The following TCF12 variants were observed in gnomAD, a reference collection of about 807,000 sequenced individuals.
TCF12 encodes transcription factor 12, also known as DNA-binding protein HTF4.
Under a neutral mutation model 86.0 loss-of-function variants are expected in TCF12, and 45 were observed. The observed-to-expected ratio is 0.52, with a 90% CI of 0.41 to 0.67. TCF12 has a LOEUF of 0.67. Ranked by LOEUF, TCF12 falls within the 30% of genes least tolerant of loss-of-function variation. The pLI is 0.00. For synonymous variants in TCF12, 330 were observed against 299.6 expected, an observed-to-expected ratio of 1.10 and a Z score of -1.05; for missense variants, 881 against 859.9, an observed-to-expected ratio of 1.02 and a Z score of -0.31.
chr15:56,931,573 G>A (rs559226644), intron 3 of TCF12, among the ~76,000 whole-genome samples: 2 of 152,238 alleles, frequency 1.3e-5, no homozygotes, highest in South Asian at 4.1e-4. Context: ...TTTGCTGTAG[G>A]GAACAGACAA....
At chr15:56,921,936 A>T (rs1462073255) in intron 3 of TCF12, among the ~76,000 whole-genome samples, 2 of 152,066 alleles carry the variant, frequency 1.3e-5, no homozygotes, top group Non-Finnish European at 2.9e-5. Context: ...TTATGAAATT[A>T]GAGCTTATGG....
chr15:57,148,775 G>C (rs995775364), intron 5 of TCF12, among the ~76,000 whole-genome samples: 5 of 151,920 alleles, frequency 3.3e-5, no homozygotes, highest in African/African-American at 1.2e-4. Flanking sequence ...TACTCAGGAG[G>C]TTGAGGTGAG....
At chr15:57,283,364 A>G (rs1190790558) in intron 20 of TCF12, among the ~76,000 whole-genome samples, 1 of 151,956 alleles carries the variant, frequency 6.6e-6, no homozygotes, top group Non-Finnish European at 1.5e-5. Context: ...GGTTCCAGCA[A>G]TTCTCCTGCC....
At chr15:57,266,086 ATTATTTATTTATTTAT>A (rs60211131) in intron 18 of TCF12, among the ~76,000 whole-genome samples, 185 of 110,268 alleles carry the variant, frequency 1.7e-3, no homozygotes, top group East Asian at 6.6e-3. Context: ...TTTTGTTTTT[ATTATTTATTTATTTAT>A]TTATTTATTT....
intron 5 of TCF12, chr15:57,130,087 C>A (rs1321549160): frequency 2.0e-5 from 3 of 152,272 alleles, no homozygotes; most frequent in African/African-American, 7.2e-5. Flanking sequence ...AATAGACTGT[C>A]TCTTTAGATT....
At chr15:57,221,546 G>A (rs1362838717) in intron 8 of TCF12, among the ~76,000 whole-genome samples, 1 of 151,480 alleles carries the variant, frequency 6.6e-6, no homozygotes, top group East Asian at 1.9e-4. Flanking sequence ...TGGGAGGGGG[G>A]TAGGGGGAGC....
intron 8 of TCF12, among the ~76,000 whole-genome samples, chr15:57,217,669 AAAGT>A (rs1369823275): frequency 8.5e-5 from 13 of 152,290 alleles, no homozygotes; most frequent in Non-Finnish European, 1.6e-4. Flanking sequence ...TTTCTATTGA[AAAGT>A]AAGTGTTATT....
intron 6 of TCF12, among the ~76,000 whole-genome samples, chr15:57,189,453 G>C (rs2056864691): frequency 6.6e-6 from 1 of 152,146 alleles, no homozygotes; most frequent in African/African-American, 2.4e-5. Flanking sequence ...TTCCCAAGGA[G>C]ATATTCTAGT....
chr15:57,006,305 C>T (rs1277854238), intron 3 of TCF12, among the ~76,000 whole-genome samples: 1 of 151,666 alleles, frequency 6.6e-6, no homozygotes, highest in Non-Finnish European at 1.5e-5. Context: ...TTTAAGATTG[C>T]TATTAATTTT....
intron 3 of TCF12, among the ~76,000 whole-genome samples, chr15:56,974,041 GCGTTCAGTGTT>G (rs1373224410): frequency 3.3e-5 from 5 of 152,094 alleles, no homozygotes; most frequent in African/African-American, 1.2e-4. Flanking sequence ...ACAAATAAGT[GCGTTCAGTGTT>G]CGTGGCTTTT....
rs1567370724 is a variant in TCF12 at position 57,075,808 on chromosome 15, C to CTT, written c.222+11986_222+11987insTT. 7.4e-3 allele frequency among the ~76,000 whole-genome samples: 218 copies of CTT among 29,504 alleles called. 2 individuals carry two copies. The highest frequency in any genetic ancestry group is 0.02 in the African/African-American group (163 of 7,960). 19.4% of individuals were successfully genotyped at this position (29,504 alleles called of 152,430 possible). ...TTTCTTTCTTTCTTTCTTTCTTTCT[C>CTT]TCTCTCTCTCTCTCTCTCTCTCTCT... On this transcript the variant is annotated intron_variant, in intron 4 of 20. Transcript: ENST00000333725.
rs1567289324 is a variant in TCF12, at chr15:57,032,503, G to A, written c.149-31247G>A. Among the ~76,000 whole-genome samples the A allele has an allele frequency of 4.6e-5, 7 of 152,146 alleles. No homozygotes were observed. In the South Asian group the frequency reaches 1.0e-3, roughly 23 times the overall value. On this transcript the variant is annotated intron_variant, in intron 3 of 20. Coordinates refer to ENST00000333725, the MANE Select transcript of TCF12 (RefSeq NM_207037.2). ...GAGTGCGCTGGCACAATCAGGGCTC[G>A]CAGCAGCCTGGACCTCCCATGCTCA...
chr15:57,200,589 T>C (rs189196002), intron 8 of TCF12, among the ~76,000 whole-genome samples: 32 of 152,330 alleles, frequency 2.1e-4, no homozygotes, highest in African/African-American at 7.2e-4. Flanking sequence ...CTGTAAAATA[T>C]ATGTGACTTT....
intron 18 of TCF12, among the ~76,000 whole-genome samples, chr15:57,263,755 A>G (rs1214720811): frequency 6.6e-6 from 1 of 152,224 alleles, no homozygotes; most frequent in Non-Finnish European, 1.5e-5. Context: ...CCTAGGCTGT[A>G]TACCTGTATA....
chr15:57,032,021 C>T (rs1278078556), intron 3 of TCF12, among the ~76,000 whole-genome samples: 1 of 152,132 alleles, frequency 6.6e-6, no homozygotes, highest in Non-Finnish European at 1.5e-5. Flanking sequence ...CAATGTTTTT[C>T]ACCAAACCAA....
At chr15:57,148,200 A>G (rs2053499773) in intron 5 of TCF12, among the ~76,000 whole-genome samples, 1 of 44,744 alleles carries the variant, frequency 2.2e-5, no homozygotes, top group Non-Finnish European at 4.6e-5. Context: ...TGTTAACAGT[A>G]TAATAAAAAG....
At chr15:57,111,586 CTTTTTTTT>C (rs1166862090) in intron 5 of TCF12, among the ~76,000 whole-genome samples, 1 of 115,470 alleles carries the variant, frequency 8.7e-6, no homozygotes, top group Non-Finnish European at 1.8e-5. Context: ...GTTTGTTTAT[CTTTTTTTT>C]TTTTTTTTTT....
chr15:57,259,635 A>G (rs1322970770), intron 16 of TCF12, among the ~76,000 whole-genome samples: 2 of 152,198 alleles, frequency 1.3e-5, no homozygotes, highest in South Asian at 2.1e-4. Flanking sequence ...TTATTCTGAA[A>G]TGGAGCTCTT....
intron 5 of TCF12, among the ~76,000 whole-genome samples, chr15:57,152,116 G>A (rs2053805111): frequency 6.6e-6 from 1 of 152,184 alleles, no homozygotes; most frequent in Admixed American, 6.5e-5. Flanking sequence ...AGTCATCACA[G>A]CAACAGTCAC....
Sources: allele counts gnomAD v4.1 joint callset (sites outside exome capture counted in the v4.1 genomes callset), GRCh38; gene constraint gnomAD v4.1.1; transcripts MANE v1.5; gene names NCBI Gene and HGNC (gene_info 2026-07-23, HGNC 2026-07-21).